ITCH: variants seen among roughly 807,000 people sequenced by gnomAD.
ITCH encodes itchy E3 ubiquitin protein ligase.
A neutral mutation model predicts 126.8 loss-of-function variants in ITCH; 28 were observed. That is an observed-to-expected ratio of 0.22 (90% CI 0.16 to 0.30). ITCH has a LOEUF of 0.30. Ranked by LOEUF, ITCH falls within the 10% of genes least tolerant of loss-of-function variation. ITCH has a pLI of 1.00. For synonymous variants in ITCH, 342 were observed against 340.0 expected, an observed-to-expected ratio of 1.01 and a Z score of -0.06; for missense variants, 631 against 1,032.4, an observed-to-expected ratio of 0.61 and a Z score of 5.33.
At chr20:34,366,686 G>A (rs2037433743) in intron 1 of ITCH, among the ~76,000 whole-genome samples, 1 of 152,030 alleles carries the variant, frequency 6.6e-6, no homozygotes, top group South Asian at 2.1e-4. Flanking sequence ...GGGCAACATG[G>A]TGATATCCCG....
In ITCH at chr20:34,417,087, C is replaced by A. The variant is rs556566423; in HGVS notation, c.475+3208C>A. ...ACCACACCTGGCTAATTTTAATTTG[C>A]TATTTAGGTAGACTTTTTTTTTTTT... On this transcript the variant is annotated intron_variant, in intron 6 of 24. Transcript: ENST00000374864. The A allele has an allele frequency of 9.8e-5, 61 of 622,260 alleles. No homozygotes were observed. In the East Asian group the frequency reaches 1.8e-3, roughly 18 times the overall value. 38.5% of individuals were successfully genotyped at this position (622,260 alleles called of 1,614,324 possible).
At chr20:34,408,047 A>C (rs1978384075) in intron 3 of ITCH, among the ~76,000 whole-genome samples, 1 of 152,030 alleles carries the variant, frequency 6.6e-6, no homozygotes, top group Non-Finnish European at 1.5e-5. Flanking sequence ...TGCCTCAGCC[A>C]CCTGAGTAGC....
intron 12 of ITCH, among the ~76,000 whole-genome samples, chr20:34,450,465 T>C (rs1325105267): frequency 6.6e-6 from 1 of 152,222 alleles, no homozygotes; most frequent in East Asian, 1.9e-4. Context: ...GTATATCTGA[T>C]ACCTTAGTTA....
At chr20:34,392,709 G>A (rs756363752) in intron 2 of ITCH, among the ~76,000 whole-genome samples, 29 of 152,046 alleles carry the variant, frequency 1.9e-4, no homozygotes, top group Non-Finnish European at 3.7e-4. Flanking sequence ...ATTTTTTATT[G>A]TATCTTATTT....
intron 3 of ITCH, among the ~76,000 whole-genome samples, chr20:34,397,005 G>T (rs2038700695): frequency 6.6e-6 from 1 of 151,942 alleles, no homozygotes; most frequent in East Asian, 1.9e-4. Flanking sequence ...TCTACATATG[G>T]TGTCTTTGTA....
chr20:34,414,643 G>GT (rs1307377192), intron 6 of ITCH, among the ~76,000 whole-genome samples: 3 of 151,552 alleles, frequency 2.0e-5, no homozygotes, highest in African/African-American at 7.3e-5. Context: ...ATTTTGTGGG[G>GT]TTTTTTTGTT....
chr20:34,402,346 A>G (rs1234121402), intron 3 of ITCH: 6 of 931,538 alleles, frequency 6.4e-6, no homozygotes, highest in South Asian at 2.6e-5. Context: ...AAGTTTCTCA[A>G]TAGTAGAGGG....
chr20:34,379,565 C>T (rs531988611), intron 2 of ITCH, among the ~76,000 whole-genome samples: 4 of 150,384 alleles, frequency 2.7e-5, no homozygotes, highest in South Asian at 2.1e-4. Context: ...GGCACCTCAT[C>T]GTAAAAGTGG....
rs6059860 is a variant in ITCH at position 34,476,025 on chromosome 20, A to T, written c.1570-1747A>T. The T allele has an allele frequency of 4.6e-4, 722 of 1,567,890 alleles. 1 individual carries two copies. Among genetic ancestry groups the T allele is most frequent in the Non-Finnish European group, 6.0e-4 (689 of 1,139,452 alleles). On this transcript the variant is annotated intron_variant, in intron 16 of 24. Transcript: ENST00000374864. Reference sequence around the variant, plus strand: ...ATAGATTTTGTCAAACAGATTTGGCAGCCCAACTGTGATCTGTTAGTCCAT... The same window carrying T: ...ATAGATTTTGTCAAACAGATTTGGCTGCCCAACTGTGATCTGTTAGTCCAT...
chr20:34,454,817 G>GTTTTTTTTTTTTTTTTTTTTTTTTTTTT (rs200486269), intron 12 of ITCH, among the ~76,000 whole-genome samples: 1 of 109,538 alleles, frequency 9.1e-6, no homozygotes, highest in Non-Finnish European at 1.8e-5. Context: ...TTCTTTTCCT[G>GTTTTTTTTTTTTTTTTTTTTTTTTTTTT]TTTTTTTTTT....
intron 3 of ITCH, among the ~76,000 whole-genome samples, chr20:34,397,141 G>A (rs2038706714): frequency 6.6e-6 from 1 of 152,022 alleles, no homozygotes; most frequent in Non-Finnish European, 1.5e-5. Flanking sequence ...CTCTGCCTCA[G>A]CCTCCCAAGT....
intron 16 of ITCH, chr20:34,476,393 C>T (rs1178901019): frequency 2.9e-5 from 37 of 1,257,662 alleles, no homozygotes; most frequent in Non-Finnish European, 3.4e-5. Flanking sequence ...CGGGACCCGG[C>T]GTGGTGCAGC....
intron 2 of ITCH, among the ~76,000 whole-genome samples, chr20:34,370,465 A>G (rs1284068652): frequency 6.6e-6 from 1 of 152,026 alleles, no homozygotes; most frequent in Non-Finnish European, 1.5e-5. Flanking sequence ...GGAGTTTGAA[A>G]CCAGTCTGGT....
At position 34,474,915 on chromosome 20, in the gene ITCH, C is replaced by G. The variant is rs567768377; in HGVS notation, c.1570-2857C>G. On this transcript the variant is annotated intron_variant, in intron 16 of 24. Transcript: ENST00000374864. ...CTTCTCAGACGGGGCGGTTGCCAGGCAGAGGGTCTCCTCACTTCTCAGACG... is the reference window on the plus strand; with the variant it reads ...CTTCTCAGACGGGGCGGTTGCCAGGGAGAGGGTCTCCTCACTTCTCAGACG... Among the ~76,000 whole-genome samples, 3 of 151,700 alleles carry G rather than the reference C, an allele frequency of 2.0e-5. No individual in the cohort carries two copies. The South Asian group carries it at 6.3e-4, about 32-fold the overall frequency.
At chr20:34,446,739 T>A (rs906915489) in intron 11 of ITCH, among the ~76,000 whole-genome samples, 1 of 152,214 alleles carries the variant, frequency 6.6e-6, no homozygotes, top group Non-Finnish European at 1.5e-5. Context: ...CTTGCCTGCC[T>A]TCTTTAAAAC....
At chr20:34,498,026 A>G (rs1990001865) in intron 23 of ITCH, among the ~76,000 whole-genome samples, 1 of 152,144 alleles carries the variant, frequency 6.6e-6, no homozygotes, top group African/African-American at 2.4e-5. Context: ...TCAGTGTTTT[A>G]TAGTTTTTGC....
At chr20:34,478,905 A>G (rs1988474509) in intron 17 of ITCH, among the ~76,000 whole-genome samples, 1 of 152,198 alleles carries the variant, frequency 6.6e-6, no homozygotes, top group Non-Finnish European at 1.5e-5. Flanking sequence ...AAAGTGTGTC[A>G]TGAGATACAC....
At chr20:34,461,452 T>A (rs1282905758) in intron 13 of ITCH, among the ~76,000 whole-genome samples, 1 of 152,182 alleles carries the variant, frequency 6.6e-6, no homozygotes, top group Non-Finnish European at 1.5e-5. Context: ...GGCTCACGCC[T>A]GTAATTCCAG....
intron 20 of ITCH, 126 bp from the exon 21 acceptor site, chr20:34,489,140 G>T: frequency 2.8e-6 from 2 of 721,972 alleles, no homozygotes; most frequent in Non-Finnish European, 4.5e-6. Context: ...TGTACAGGGG[G>T]TTCATTATGT....
Sources: allele counts gnomAD v4.1 joint callset (sites outside exome capture counted in the v4.1 genomes callset), GRCh38; gene constraint gnomAD v4.1.1; transcripts MANE v1.5; gene names NCBI Gene and HGNC (gene_info 2026-07-23, HGNC 2026-07-21).